Variants in SIPA1L3 observed in about 807,000 individuals in gnomAD.
The protein encoded by SIPA1L3 is signal-induced proliferation-associated 1-like protein 3.
In SIPA1L3, 59 loss-of-function variants were observed where a neutral mutation model predicts 150.1. The observed-to-expected ratio is 0.39, with a 90% confidence interval of 0.32 to 0.49. SIPA1L3 has a LOEUF of 0.49. SIPA1L3 is among the 20% of genes least tolerant of loss of function. The pLI is 0.86. For synonymous variants in SIPA1L3, 1,070 were observed against 1,077.6 expected, an observed-to-expected ratio of 0.99 and a Z score of 0.14; for missense variants, 2,211 against 2,489.5, an observed-to-expected ratio of 0.89 and a Z score of 2.38.
At chr19:38,188,171 T>TTTG (rs953893844) in intron 16 of SIPA1L3, among the ~76,000 whole-genome samples, 3 of 151,756 alleles carry the variant, frequency 2.0e-5, no homozygotes, top group Non-Finnish European at 2.9e-5. Context: ...TTAAACATGT[T>TTTG]TTGTTGTTGT....
intron 10 of SIPA1L3, among the ~76,000 whole-genome samples, chr19:38,138,418 G>A (rs557581983): frequency 3.3e-5 from 5 of 152,270 alleles, no homozygotes; most frequent in South Asian, 4.2e-4. Context: ...GAAACATGGC[G>A]CCGCAAAAGA....
intron 1 of SIPA1L3, among the ~76,000 whole-genome samples, chr19:37,944,151 G>A (rs112843288): frequency 9.9e-5 from 15 of 152,218 alleles, no homozygotes; most frequent in African/African-American, 3.1e-4. Context: ...AGAGGCATGC[G>A]CCTGTAATCC....
chr19:38,201,837 T>C, intron 19 of SIPA1L3, 25 bp from the exon 20 acceptor site: 2 of 1,583,598 alleles, frequency 1.3e-6, no homozygotes, highest in Non-Finnish European at 1.7e-6. Flanking sequence ...TGCTGACCCC[T>C]CTCCTCCTCC....
intron 1 of SIPA1L3, among the ~76,000 whole-genome samples, chr19:37,948,293 T>C (rs1245757048): frequency 6.6e-6 from 1 of 151,986 alleles, no homozygotes. Flanking sequence ...TGATGAAATC[T>C]TGTATCTACA....
At chr19:37,947,490 A>G (rs1029180592) in intron 1 of SIPA1L3, among the ~76,000 whole-genome samples, 1 of 146,424 alleles carries the variant, frequency 6.8e-6, no homozygotes, top group Non-Finnish European at 1.5e-5. Flanking sequence ...CTCCATATCA[A>G]AAAAAAAAAA....
At chr19:38,186,154 C>G (rs1456620436) in intron 16 of SIPA1L3, 1 of 152,234 alleles carries the variant, frequency 6.6e-6, no homozygotes, top group African/African-American at 2.4e-5. Context: ...ACAACCCTAT[C>G]CAACAACAGC....
In SIPA1L3 at chr19:38,101,059, G is replaced by A. The variant is rs377716849; in HGVS notation, c.1862G>A (p.Arg621Gln). 2.8e-5 allele frequency: 43 copies of A among 1,557,520 alleles called. No individual in the cohort carries two copies. Among genetic ancestry groups the A allele is most frequent in the East Asian group, 4.6e-5 (2 of 43,316 alleles). ...LLKLDEQGLCRKHKVGILYCK... is the reference protein window; with the variant it reads ...LLKLDEQGLCQKHKVGILYCK... ...CCACTCTTGCCTCTGCAGCTCTGCC[G>A]GAAGCACAAGGTGGGCATCCTCTAT... The change falls in exon 6 of 22, where the codon CGG (arginine) becomes CAG (glutamine). Residue 621 changes from arginine to glutamine, a missense_variant. Around this residue, in one of 5 missense-constraint regions of SIPA1L3, gnomAD observed 625 missense variants for 804.2 expected, o/e 0.78. Coordinates refer to ENST00000222345, the MANE Select transcript of SIPA1L3 (RefSeq NM_015073.3).
chr19:38,106,709 A>G (rs1417124925), intron 7 of SIPA1L3, 69 bp downstream of exon 7: 1 of 1,052,236 alleles, frequency 9.5e-7, no homozygotes, highest in Non-Finnish European at 1.5e-6. Context: ...TGGCCCTCCC[A>G]GTTCTGTCCT....
In SIPA1L3 at chr19:37,944,807, G is replaced by A. The variant is rs112369628; in HGVS notation, c.-379+37449G>A. On this transcript the variant is annotated intron_variant, in intron 1 of 21. Coordinates refer to ENST00000222345, the MANE Select transcript of SIPA1L3 (RefSeq NM_015073.3). The stretch of plus-strand genomic sequence containing the variant: ...CTCTACTAAAAGTACTAAATTAGCC[G>A]GGCGTGGTGGCAGGTCCCTCTAATC... Among the ~76,000 whole-genome samples the A allele has an allele frequency of 9.8e-3, 1,486 of 152,080 alleles. 10 individuals carry two copies. Among genetic ancestry groups the A allele is most frequent in the South Asian group, 0.021 (101 of 4,816 alleles).
chr19:38,054,634 G>A (rs1429911616), intron 2 of SIPA1L3, among the ~76,000 whole-genome samples: 1 of 125,430 alleles, frequency 8.0e-6, no homozygotes, highest in Non-Finnish European at 1.7e-5. Context: ...CAAGTTTAGG[G>A]GAAAAAAAAA....
chr19:38,204,221 G>T lies in SIPA1L3; in HGVS notation c.5202+13G>T. ...TGACCTGCAGAAGGTAAGGCCGGGG[G>T]CCACGCCCTCTCCATCCCACTTCCC... On this transcript the variant is annotated intron_variant, in intron 21 of 21. Transcript: ENST00000222345. The T allele has an allele frequency of 6.5e-7, 1 of 1,550,276 alleles. No individual in the cohort carries two copies. Among genetic ancestry groups the T allele is most frequent in the African/African-American group, 1.4e-5 (1 of 73,126 alleles).
intron 12 of SIPA1L3, among the ~76,000 whole-genome samples, chr19:38,145,113 G>A (rs1971675862): frequency 2.6e-5 from 4 of 151,056 alleles, no homozygotes; most frequent in Admixed American, 1.3e-4. Flanking sequence ...TGGCAGTGGT[G>A]TTACCGAAAG....
intron 12 of SIPA1L3, among the ~76,000 whole-genome samples, chr19:38,148,689 T>C (rs1366296198): frequency 6.6e-6 from 1 of 152,162 alleles, no homozygotes; most frequent in Non-Finnish European, 1.5e-5. Context: ...TCTGTTTTGG[T>C]GCTTTCCTCT....
chr19:37,964,583 C>CT (rs2046886434), intron 1 of SIPA1L3: 1 of 152,508 alleles, frequency 6.6e-6, no homozygotes, highest in Admixed American at 6.5e-5. Context: ...CAACCTCTGC[C>CT]TCCCAGGTTC....
rs529319558 is a variant in SIPA1L3 at position 38,137,028 on chromosome 19, C to T, written c.3144-4156C>T. On this transcript the variant is annotated intron_variant, in intron 10 of 21. Transcript: ENST00000222345. The stretch of plus-strand genomic sequence containing the variant: ...TCTGCTAACGCTCAGAGAATGCTCA[C>T]AGCCAGCCCCATATTACAGATTAGG... Among the ~76,000 whole-genome samples the T allele has an allele frequency of 1.0e-3, 154 of 152,350 alleles. 1 individual carries two copies. The highest frequency in any genetic ancestry group is 3.6e-3 in the African/African-American group (150 of 41,582).
Position 37,938,114 on chromosome 19 carries a change from A to G in SIPA1L3, c.-379+30756A>G, listed in dbSNP as rs1345971682. ...AGACTTGCATTTTTCAGCTAATATT[A>G]TGATTCTAACATTGATTTAGACTGG... On this transcript the variant is annotated intron_variant, in intron 1 of 21. Coordinates refer to ENST00000222345, the MANE Select transcript of SIPA1L3 (RefSeq NM_015073.3). Among the ~76,000 whole-genome samples, 8 of 152,322 alleles carry G rather than the reference A, an allele frequency of 5.3e-5. No individual in the cohort carries two copies. The South Asian group carries it at 1.5e-3, about 28-fold the overall frequency.
intron 1 of SIPA1L3, among the ~76,000 whole-genome samples, chr19:37,989,780 C>T (rs1309731132): frequency 2.0e-5 from 3 of 151,928 alleles, no homozygotes; most frequent in Non-Finnish European, 4.4e-5. Context: ...ATTCTCCTGC[C>T]TCAGCCTCCC....
intron 2 of SIPA1L3, 52 bp downstream of exon 2, chr19:38,029,208 TATTATTTTTTTTAAAATTTTAAAAAAA>T (rs1448080470): frequency 6.6e-6 from 1 of 152,072 alleles, no homozygotes; most frequent in African/African-American, 2.4e-5. Context: ...CTCATACACA[TATTATTTTTTTTAAAATTTTAAAAAAA>T]GAGTATCAAG....
chr19:37,999,205 A>AGTC (rs1037078256), intron 1 of SIPA1L3, among the ~76,000 whole-genome samples: 11 of 152,130 alleles, frequency 7.2e-5, no homozygotes. Flanking sequence ...TTCAGGCCAA[A>AGTC]GCATCAATTT....
Sources: gnomAD v4.1 joint callset for allele counts (sites outside exome capture counted in the v4.1 genomes callset) on GRCh38, gnomAD v4.1.1 for gene constraint, gnomAD v4.1.1 regional missense constraint, MANE v1.5 for transcripts, NCBI Gene and HGNC (gene_info 2026-07-23, HGNC 2026-07-21) for gene names.